STK32B: variants seen among roughly 807,000 people sequenced by gnomAD.
The protein encoded by STK32B is serine/threonine kinase 32B.
Under a neutral mutation model 52.6 loss-of-function variants are expected in STK32B, and 43 were observed. The observed-to-expected ratio is 0.82, with a 90% confidence interval of 0.64 to 1.05. STK32B has a LOEUF of 1.05. STK32B is among the 50% of genes least tolerant of loss of function. STK32B has a pLI of 0.00. For synonymous variants in STK32B, 238 were observed against 204.3 expected, an observed-to-expected ratio of 1.17 and a Z score of -1.41; for missense variants, 621 against 534.6, an observed-to-expected ratio of 1.16 and a Z score of -1.59.
the STK32B span, among the ~76,000 whole-genome samples, chr4:5,043,105 T>C: frequency 1.1e-5 from 1 of 88,950 alleles, no homozygotes; most frequent in African/African-American, 4.8e-5. Flanking sequence ...AGAGCGAGAC[T>C]CCGTCTCAAA....
the STK32B span, among the ~76,000 whole-genome samples, chr4:5,023,029 GTGTT>G: frequency 6.6e-6 from 1 of 152,026 alleles, no homozygotes; most frequent in African/African-American, 2.4e-5. Flanking sequence ...GTATATGTGT[GTGTT>G]TGTGTGTGTC....
chr4:5,421,076 CTTGTTTTTGTTT>C lies in STK32B; in HGVS notation c.562+4162_562+4173del, dbSNP rs10522352. On this transcript the variant is annotated intron_variant, in intron 6 of 11. Transcript: ENST00000282908. ...CACCATGCCTGGCTAATTTTTGTATCTTGTTTTTGTTTTTGTTTTTGTTTTTGTTTTGAGACA... is the reference window on the plus strand; with the variant it reads ...CACCATGCCTGGCTAATTTTTGTATCTTGTTTTTGTTTTTGTTTTGAGACA... 2.5e-3 allele frequency among the ~76,000 whole-genome samples: 356 copies of C among 143,320 alleles called. 16 individuals carry two copies. In the East Asian group the frequency reaches 0.063, roughly 25 times the overall value. The allele number at this position is 143,320 out of a possible 152,430, so 94.0% of individuals were successfully genotyped here.
intron 6 of STK32B, among the ~76,000 whole-genome samples, chr4:5,429,821 T>A (rs2109089479): frequency 6.6e-6 from 1 of 152,226 alleles, no homozygotes; most frequent in East Asian, 1.9e-4. Flanking sequence ...TTCCTTATAT[T>A]GTTACAAGAT....
chr4:5,247,198 C>G (rs1392531714), intron 3 of STK32B, among the ~76,000 whole-genome samples: 2 of 152,236 alleles, frequency 1.3e-5, no homozygotes, highest in African/African-American at 2.4e-5. Flanking sequence ...AGGCAGGCCT[C>G]CTTGAGCTGT....
intron 3 of STK32B, among the ~76,000 whole-genome samples, chr4:5,187,627 G>GGGGGAGGGGGCGGGGGGGGGGAGGA (rs1720850980): frequency 1.4e-5 from 2 of 141,602 alleles, no homozygotes; most frequent in Non-Finnish European, 3.1e-5. Context: ...GCGGGGGAGG[G>GGGGGAGGGGGCGGGGGGGGGGAGGA]GGGGGACAAG....
At chr4:5,241,547 ATTATT>A (rs963583407) in intron 3 of STK32B, among the ~76,000 whole-genome samples, 24 of 151,830 alleles carry the variant, frequency 1.6e-4, no homozygotes, top group African/African-American at 4.1e-4. Context: ...GTGGTTATAA[ATTATT>A]TTATTTTATT....
At chr4:5,175,219 G>A (rs911769150) in intron 3 of STK32B, among the ~76,000 whole-genome samples, 2 of 151,840 alleles carry the variant, frequency 1.3e-5, no homozygotes, top group African/African-American at 4.8e-5. Context: ...TTTTTTTCAA[G>A]TTTTTTAACT....
chr4:5,378,921 C>T lies in STK32B; in HGVS notation c.435-19286C>T, dbSNP rs183966944. On this transcript the variant is annotated intron_variant, in intron 4 of 11. Transcript: ENST00000282908. The surrounding 1 kb of genome is among the most constrained non-coding windows in gnomAD (Gnocchi z 4.4). ...ATCTGCAAAAGGGGTGACAATTCTACCCTGCCTCTGTGAGACCCCAGGAGA... is the reference window on the plus strand; with the variant it reads ...ATCTGCAAAAGGGGTGACAATTCTATCCTGCCTCTGTGAGACCCCAGGAGA... 2.0e-3 allele frequency among the ~76,000 whole-genome samples: 306 copies of T among 152,288 alleles called. 3 individuals are homozygous for T. The highest frequency in any genetic ancestry group is 7.0e-3 in the African/African-American group (292 of 41,542).
intron 3 of STK32B, among the ~76,000 whole-genome samples, chr4:5,184,147 C>T (rs935360386): frequency 1.9e-4 from 29 of 152,278 alleles, no homozygotes; most frequent in African/African-American, 7.0e-4. Context: ...TTTCACATGC[C>T]TTCCTCACTA....
chr4:5,288,234 C>A (rs139171170), intron 3 of STK32B, among the ~76,000 whole-genome samples: 301 of 152,212 alleles, frequency 2.0e-3, no homozygotes, highest in African/African-American at 6.9e-3. Context: ...GCATGTTTTT[C>A]ACTTCTCTTA....
intron 6 of STK32B, among the ~76,000 whole-genome samples, chr4:5,423,039 A>G (rs1372380834): frequency 6.6e-6 from 1 of 152,066 alleles, no homozygotes; most frequent in African/African-American, 2.4e-5. Context: ...GGGGAGGGAG[A>G]GAGCAGACAG....
chr4:5,422,376 C>A (rs954889392), intron 6 of STK32B, among the ~76,000 whole-genome samples: 5 of 152,180 alleles, frequency 3.3e-5, no homozygotes, highest in Non-Finnish European at 7.3e-5. Context: ...TAACAAGTTC[C>A]CAGAATGTTC....
intron 7 of STK32B, 79 bp from the exon 8 acceptor site, chr4:5,456,728 T>A: frequency 7.9e-7 from 1 of 1,263,502 alleles, no homozygotes; most frequent in Non-Finnish European, 1.1e-6. Context: ...CCATCCCTCA[T>A]AATCATACAA....
intron 1 of STK32B, among the ~76,000 whole-genome samples, chr4:5,082,478 G>C (rs1712490727): frequency 6.6e-6 from 1 of 152,184 alleles, no homozygotes; most frequent in South Asian, 2.1e-4. Flanking sequence ...AGTCTGTGAA[G>C]CAGTTAGAAG....
intron 1 of STK32B, among the ~76,000 whole-genome samples, chr4:5,111,148 T>C (rs1399986177): frequency 6.6e-6 from 1 of 152,132 alleles, no homozygotes; most frequent in Non-Finnish European, 1.5e-5. Context: ...AGGCAAATGC[T>C]CATACACTGT....
At chr4:5,441,088 T>A (rs1387171777) in intron 6 of STK32B, among the ~76,000 whole-genome samples, 3 of 148,266 alleles carry the variant, frequency 2.0e-5, no homozygotes, top group Non-Finnish European at 4.5e-5. Context: ...TGTCTCTGCC[T>A]GGCTTTGGTA....
At chr4:5,131,963 G>T (rs1460958598) in intron 1 of STK32B, among the ~76,000 whole-genome samples, 4 of 151,432 alleles carry the variant, frequency 2.6e-5, no homozygotes, top group South Asian at 2.1e-4. Context: ...TGAGATGGGG[G>T]AGAGCATCCT....
Position 5,312,486 on chromosome 4 carries a change from G to A in STK32B, c.261-18734G>A, listed in dbSNP as rs968365893. ...CAGAGTGTGATGTTCCCCTTCCTGC[G>A]TCCATGTGTTCTCATTGTTCAATTC... On this transcript the variant is annotated intron_variant, in intron 3 of 11. Transcript: ENST00000282908. Among the ~76,000 whole-genome samples the A allele has an allele frequency of 4.1e-5, 6 of 146,774 alleles. 1 individual carries two copies. The highest frequency in any genetic ancestry group is 6.0e-5 in the Non-Finnish European group (4 of 67,186).
intron 1 of STK32B, among the ~76,000 whole-genome samples, chr4:5,080,250 T>C (rs1006198025): frequency 1.3e-5 from 2 of 152,158 alleles, no homozygotes. Flanking sequence ...TCAGACACCA[T>C]CGTCTTCTGC....
Sources: gnomAD v4.1 joint callset for allele counts (sites outside exome capture counted in the v4.1 genomes callset) on GRCh38, gnomAD v4.1.1 for gene constraint, Gnocchi (gnomAD v3.1) non-coding constraint, MANE v1.5 for transcripts, NCBI Gene and HGNC (gene_info 2026-07-23, HGNC 2026-07-21) for gene names.